THTPA: variants seen among roughly 807,000 people sequenced by gnomAD.
The protein encoded by THTPA is thiamine-triphosphatase.
A neutral mutation model predicts 16.5 loss-of-function variants in THTPA; 16 were observed. The observed-to-expected ratio is 0.97, with a 90% CI of 0.66 to 1.47. The LOEUF (loss-of-function observed/expected upper bound fraction) is 1.47, where lower values mean the gene tolerates loss of function less well. Among genes scored for constraint, THTPA ranks in the 40% most tolerant of loss-of-function variants. THTPA has a pLI of 0.00. For synonymous variants in THTPA, 110 were observed against 115.5 expected (o/e 0.95, Z 0.30); for missense variants, 281 against 280.9 (o/e 1.00, Z 0.00).
In THTPA at chr14:23,559,865, G is replaced by C; in HGVS notation, c.*1025G>C. On this transcript the variant is annotated 3_prime_UTR_variant, in exon 2 of 2. Coordinates refer to ENST00000288014, the MANE Select transcript of THTPA (RefSeq NM_024328.6). ...CGCAGGGGGGCCTAGGAATAGGAGA[G>C]CAGGGACCAGGGTTAGCACCCACGG... is the stretch of plus-strand genomic sequence containing the variant. 1 of 1,613,858 alleles carries C rather than the reference G, an allele frequency of 6.2e-7. No homozygotes were observed. Among genetic ancestry groups the C allele is most frequent in the Non-Finnish European group, 8.5e-7 (1 of 1,179,878 alleles).
At chr14:23,545,129 C>T in the THTPA span, among the ~76,000 whole-genome samples, 3 of 152,178 alleles carry the variant, frequency 2.0e-5, no homozygotes, top group Non-Finnish European at 4.4e-5. Context: ...CAGTTCCTCC[C>T]CTCCCCCACA....
the THTPA span, chr14:23,522,310 C>T: frequency 6.6e-7 from 1 of 1,523,140 alleles, no homozygotes; most frequent in Non-Finnish European, 8.8e-7. Context: ...CAAATGCCAT[C>T]TTGCACTGGC....
chr14:23,536,730 A>G, the THTPA span, among the ~76,000 whole-genome samples: 1 of 152,236 alleles, frequency 6.6e-6, no homozygotes, highest in Admixed American at 6.5e-5. Context: ...GTGAAACTAG[A>G]AATGGACTGA....
At position 23,556,408 on chromosome 14, in the gene THTPA, G is replaced by A. The variant is rs1882381629; in HGVS notation, c.-350G>A. On this transcript the variant is annotated 5_prime_UTR_variant, in exon 1 of 2. Transcript: ENST00000288014. ...AAGGGCAGGTCCTCCCGGGTCGTGA[G>A]CCAGTAGCCTCCTGGGGTGGCAAGG... 4.0e-6 allele frequency: 1 copy of A among 252,966 alleles called. No individual in the cohort carries two copies. The highest frequency in any genetic ancestry group is 7.6e-6 in the Non-Finnish European group (1 of 130,742). The allele number at this position is 252,966 out of a possible 1,614,324, so 15.7% of individuals were successfully genotyped here.
At chr14:23,533,518 C>T in the THTPA span, 3 of 1,536,102 alleles carry the variant, frequency 2.0e-6, no homozygotes, top group East Asian at 4.9e-5. This position sits in a 1 kb window ranked among gnomAD's most constrained non-coding sequence, Gnocchi z 4.8. Flanking sequence ...CAGCGGCAGC[C>T]CCTGGTGCAG....
At chr14:23,552,801 C>T (rs1017203095), upstream of THTPA, among the ~76,000 whole-genome samples, 2 of 151,976 alleles carry the variant, frequency 1.3e-5, no homozygotes, top group Non-Finnish European at 2.9e-5. Context: ...GGGGTTTCAC[C>T]ATCTTAGCCA....
At chr14:23,522,547 C>A in the THTPA span, 1 of 1,527,212 alleles carries the variant, frequency 6.5e-7, no homozygotes, top group Non-Finnish European at 8.8e-7. Context: ...ATAGCCCCTT[C>A]TTCATGCCAT....
At chr14:23,524,150 G>T in the THTPA span, 1 of 1,535,852 alleles carries the variant, frequency 6.5e-7, no homozygotes, top group African/African-American at 1.4e-5. The surrounding 1 kb of genome is among the most constrained non-coding windows in gnomAD (Gnocchi z 5.6). Context: ...TGTGGCAGGC[G>T]GTTTCACTGC....
chr14:23,534,070 T>C, the THTPA span: 1 of 1,523,760 alleles, frequency 6.6e-7, no homozygotes, highest in Non-Finnish European at 8.8e-7. The surrounding 1 kb of genome is among the most constrained non-coding windows in gnomAD (Gnocchi z 4.5). Flanking sequence ...AGCTAGGCGA[T>C]AGGGCTGGGG....
At chr14:23,526,803 C>A in the THTPA span, 1 of 1,523,268 alleles carries the variant, frequency 6.6e-7, no homozygotes, top group East Asian at 2.5e-5. Flanking sequence ...CCCATGGAGT[C>A]CCCTTTCCTG....
At chr14:23,534,061 G>A in the THTPA span, 1 of 1,529,072 alleles carries the variant, frequency 6.5e-7, no homozygotes, top group Non-Finnish European at 8.8e-7. This position sits in a 1 kb window ranked among gnomAD's most constrained non-coding sequence, Gnocchi z 4.5. Context: ...GTAGTCATCA[G>A]CTAGGCGATA....
chr14:23,536,085 T>TGAGG, the THTPA span, among the ~76,000 whole-genome samples: 1 of 152,088 alleles, frequency 6.6e-6, no homozygotes, highest in East Asian at 1.9e-4. Context: ...ACTAACACCA[T>TGAGG]CCTGGGGCCC....
the THTPA span, chr14:23,524,178 C>A: frequency 4.9e-5 from 75 of 1,536,128 alleles, no homozygotes; most frequent in Middle Eastern, 1.7e-4. This position sits in a 1 kb window ranked among gnomAD's most constrained non-coding sequence, Gnocchi z 5.6. Context: ...GGCACCCCCC[C>A]AGGGGTGCTT....
the THTPA span, chr14:23,534,474 G>A: frequency 2.0e-6 from 3 of 1,536,314 alleles, no homozygotes; most frequent in Non-Finnish European, 2.6e-6. The surrounding 1 kb of genome is among the most constrained non-coding windows in gnomAD (Gnocchi z 4.5). Context: ...GGGCCTTGCA[G>A]CCTTCATCTC....
chr14:23,519,257 A>G, the THTPA span, among the ~76,000 whole-genome samples: 1 of 152,176 alleles, frequency 6.6e-6, no homozygotes, highest in East Asian at 1.9e-4. Context: ...CACACTTCTA[A>G]TCATTCCATG....
the THTPA span, chr14:23,524,833 TTCC>T: frequency 2.6e-6 from 4 of 1,536,920 alleles, no homozygotes; most frequent in Non-Finnish European, 3.5e-6. The surrounding 1 kb of genome is among the most constrained non-coding windows in gnomAD (Gnocchi z 5.6). Flanking sequence ...TCTCTGCCTC[TTCC>T]TCCTCCTCTT....
the THTPA span, chr14:23,526,140 G>A: frequency 1.4e-5 from 22 of 1,536,362 alleles, no homozygotes; most frequent in East Asian, 1.5e-4. Context: ...AGAACTGACC[G>A]CATGTGGATC....
chr14:23,549,174 G>A, the THTPA span, among the ~76,000 whole-genome samples: 8 of 151,784 alleles, frequency 5.3e-5, no homozygotes, highest in South Asian at 4.2e-4. Flanking sequence ...CTATCAACAC[G>A]TTTTGTTTCA....
the THTPA span, among the ~76,000 whole-genome samples, chr14:23,520,050 G>A: frequency 6.6e-6 from 1 of 152,166 alleles, no homozygotes; most frequent in Non-Finnish European, 1.5e-5. This position sits in a 1 kb window ranked among gnomAD's most constrained non-coding sequence, Gnocchi z 8.7. Context: ...GGGCTTTAGG[G>A]TTGCCAGAAT....
Sources: gnomAD v4.1 joint callset for allele counts (sites outside exome capture counted in the v4.1 genomes callset) on GRCh38, gnomAD v4.1.1 for gene constraint, Gnocchi (gnomAD v3.1) non-coding constraint, MANE v1.5 for transcripts, NCBI Gene and HGNC (gene_info 2026-07-23, HGNC 2026-07-21) for gene names.